Variants in PHACTR3 observed in about 807,000 individuals in gnomAD.
The protein encoded by PHACTR3 is protein phosphatase 1, regulatory subunit 123.
A neutral mutation model predicts 66.8 loss-of-function variants in PHACTR3; 16 were observed. That is an observed-to-expected ratio of 0.24 (90% confidence interval 0.16 to 0.36). The LOEUF (loss-of-function observed/expected upper bound fraction) is 0.36. Among genes scored for constraint, PHACTR3 ranks in the 10% least tolerant of loss-of-function variants. The pLI, the probability that PHACTR3 is intolerant of heterozygous loss-of-function variation, is 1.00. For missense variants in PHACTR3, 647 were observed against 719.9 expected, an observed-to-expected ratio of 0.90 and a Z score of 1.16; for synonymous variants, 323 against 292.1, an observed-to-expected ratio of 1.11 and a Z score of -1.08.
intron 8 of PHACTR3, among the ~76,000 whole-genome samples, chr20:59,815,930 A>G (rs1276658818): frequency 6.6e-6 from 1 of 152,084 alleles, no homozygotes; most frequent in Admixed American, 6.5e-5. Flanking sequence ...TGTACCAGGA[A>G]CCAGTTTCAT....
Position 59,692,803 on chromosome 20 carries a change from A to G in PHACTR3, c.119-50304A>G, listed in dbSNP as rs114191289. The stretch of plus-strand genomic sequence containing the variant: ...GCAACTTACAAATCTCCAAATCTGT[A>G]TTTTCACCTTTTAACTAGAATAATG... On this transcript the variant is annotated intron_variant, in intron 1 of 12. Coordinates refer to ENST00000371015, the MANE Select transcript of PHACTR3 (RefSeq NM_080672.5). Among the ~76,000 whole-genome samples the G allele has an allele frequency of 8.5e-3, 1,295 of 152,268 alleles. 15 individuals are homozygous for G. The highest frequency in any genetic ancestry group is 0.029 in the African/African-American group (1,221 of 41,530).
chr20:59,750,384 A>G (rs2039535389), intron 3 of PHACTR3, among the ~76,000 whole-genome samples: 1 of 152,180 alleles, frequency 6.6e-6, no homozygotes, highest in South Asian at 2.1e-4. Flanking sequence ...CCCAGGCAGC[A>G]GTGCTTCCTC....
chr20:59,814,318 G>A (rs776497607), intron 8 of PHACTR3, among the ~76,000 whole-genome samples: 8 of 152,192 alleles, frequency 5.3e-5, no homozygotes, highest in Non-Finnish European at 1.2e-4. Flanking sequence ...GAGGATGAAC[G>A]GCAGGCCTGT....
intron 1 of PHACTR3, among the ~76,000 whole-genome samples, chr20:59,665,147 T>C (rs1265720761): frequency 6.6e-6 from 1 of 152,250 alleles, no homozygotes; most frequent in Admixed American, 6.5e-5. Context: ...AAAACTTCCT[T>C]AACGGTTCCC....
At chr20:59,660,277 G>A (rs1473535435) in intron 1 of PHACTR3, among the ~76,000 whole-genome samples, 1 of 152,200 alleles carries the variant, frequency 6.6e-6, no homozygotes, top group African/African-American at 2.4e-5. Context: ...GGCAGATCAC[G>A]AGGTCAGAAG....
At chr20:59,631,379 C>T (rs2034657249) in intron 1 of PHACTR3, among the ~76,000 whole-genome samples, 1 of 152,156 alleles carries the variant, frequency 6.6e-6, no homozygotes, top group Non-Finnish European at 1.5e-5. Flanking sequence ...TCTTCTGTCC[C>T]CTAGCCCCCA....
rs2059058683 is a variant in PHACTR3 at position 59,841,384 on chromosome 20, T to C, written c.1447-11T>C. ...CATGTGATACTTAACTATGATGATC[T>C]TTAATTTTAGCTTAATCAGAGACCC... On this transcript the variant is annotated splice_polypyrimidine_tract_variant and intron_variant, in intron 10 of 12. Coordinates refer to ENST00000371015, the MANE Select transcript of PHACTR3 (RefSeq NM_080672.5). 1 of 1,608,092 alleles carries C rather than the reference T, an allele frequency of 6.2e-7. No homozygotes were observed. The highest frequency in any genetic ancestry group is 8.5e-7 in the Non-Finnish European group (1 of 1,176,812).
At chr20:59,713,631 G>T (rs2037983223) in intron 1 of PHACTR3, among the ~76,000 whole-genome samples, 2 of 152,016 alleles carry the variant, frequency 1.3e-5, no homozygotes, top group Admixed American at 1.3e-4. Flanking sequence ...TCCAATGTGT[G>T]AATATATTCT....
At chr20:59,737,740 C>T (rs1305203293) in intron 1 of PHACTR3, among the ~76,000 whole-genome samples, 2 of 152,148 alleles carry the variant, frequency 1.3e-5, no homozygotes, top group African/African-American at 2.4e-5. Context: ...CCCACAAAGG[C>T]AGGCATCGTC....
chr20:59,658,095 C>T (rs540467111), intron 1 of PHACTR3, among the ~76,000 whole-genome samples: 1 of 152,072 alleles, frequency 6.6e-6, no homozygotes, highest in Non-Finnish European at 1.5e-5. Context: ...CTGTTGATCC[C>T]CTCTAGTGAA....
intron 8 of PHACTR3, among the ~76,000 whole-genome samples, chr20:59,834,548 T>A (rs2042471782): frequency 6.6e-6 from 1 of 152,250 alleles, no homozygotes; most frequent in Non-Finnish European, 1.5e-5. Flanking sequence ...GGATTCTGTG[T>A]AACTCTCTCA....
intron 8 of PHACTR3, among the ~76,000 whole-genome samples, chr20:59,832,520 C>G (rs892912679): frequency 1.9e-4 from 29 of 152,180 alleles, no homozygotes; most frequent in African/African-American, 6.3e-4. Context: ...AGGTCCGTAT[C>G]TCTTGGTAGT....
At chr20:59,719,083 G>A (rs1472397679) in intron 1 of PHACTR3, among the ~76,000 whole-genome samples, 1 of 152,220 alleles carries the variant, frequency 6.6e-6, no homozygotes, top group East Asian at 1.9e-4. Flanking sequence ...AACACCAGAT[G>A]AATGAATTAA....
intron 2 of PHACTR3, 23 bp downstream of exon 2, chr20:59,743,291 G>A (rs769182408): frequency 1.9e-5 from 30 of 1,612,244 alleles, no homozygotes; most frequent in Admixed American, 8.3e-5. Context: ...TGACAGGCGC[G>A]GGCAGGCTGT....
chr20:59,678,335 A>G (rs2036523185), intron 1 of PHACTR3, among the ~76,000 whole-genome samples: 1 of 152,152 alleles, frequency 6.6e-6, no homozygotes, highest in Admixed American at 6.5e-5. Flanking sequence ...TCTATTTTTA[A>G]AGTATAAAAT....
upstream of PHACTR3, among the ~76,000 whole-genome samples, chr20:59,602,322 T>G (rs1158662824): frequency 6.6e-6 from 1 of 151,616 alleles, no homozygotes; most frequent in Non-Finnish European, 1.5e-5. Flanking sequence ...TCCCAAGTAC[T>G]AGGAAGGCTG....
chr20:59,755,458 G>A (rs1017449689), intron 4 of PHACTR3, 94 bp downstream of exon 4: 27 of 1,330,696 alleles, frequency 2.0e-5, no homozygotes, highest in Middle Eastern at 2.1e-4. Context: ...AACAGCCCTC[G>A]TAGAACATTG....
intron 1 of PHACTR3, among the ~76,000 whole-genome samples, chr20:59,605,846 C>CGGG (rs200107140): frequency 2.6e-4 from 2 of 7,758 alleles, no homozygotes; most frequent in African/African-American, 1.8e-3. Context: ...CCTAATAAAG[C>CGGG]GGGGGGGGAG....
At chr20:59,760,969 T>C (rs1202090896) in intron 4 of PHACTR3, among the ~76,000 whole-genome samples, 2 of 152,090 alleles carry the variant, frequency 1.3e-5, no homozygotes, top group Admixed American at 6.5e-5. Context: ...TCCCAGGCCA[T>C]AGAGCATAAA....
Sources: allele counts gnomAD v4.1 joint callset (sites outside exome capture counted in the v4.1 genomes callset), GRCh38; gene constraint gnomAD v4.1.1; transcripts MANE v1.5; gene names NCBI Gene and HGNC (gene_info 2026-07-23, HGNC 2026-07-21).